The following CLSTN2 variants were observed in gnomAD, a reference collection of about 807,000 sequenced individuals.
CLSTN2 encodes the protein calsyntenin 2, also known as calsyntenin-2.
A neutral mutation model predicts 101.2 loss-of-function variants in CLSTN2; 48 were observed. The ratio of observed to expected loss-of-function variants is 0.47; its 90% CI spans 0.38 to 0.60. The LOEUF (loss-of-function observed/expected upper bound fraction) is 0.60. CLSTN2 is among the 20% of genes least tolerant of loss of function. The probability of loss-of-function intolerance (pLI) is 0.00; values close to 1 mark genes in which losing one functional copy is unlikely to be tolerated. For synonymous variants in CLSTN2, 481 were observed against 463.6 expected (o/e 1.04, Z -0.48); for missense variants, 1,160 against 1,238.2 (o/e 0.94, Z 0.95).
At chr3:140,378,633 A>G (rs1370519084) in intron 2 of CLSTN2, among the ~76,000 whole-genome samples, 2 of 152,172 alleles carry the variant, frequency 1.3e-5, no homozygotes, top group Non-Finnish European at 2.9e-5. Flanking sequence ...TTGGCCATGG[A>G]GAAAGCAACA....
At chr3:140,480,537 G>A (rs537611893) in intron 8 of CLSTN2, among the ~76,000 whole-genome samples, 2 of 152,250 alleles carry the variant, frequency 1.3e-5, no homozygotes, top group South Asian at 4.1e-4. Context: ...TTCCACAATG[G>A]TTGAACTAGT....
chr3:140,036,125 G>A (rs1175791826), intron 1 of CLSTN2, among the ~76,000 whole-genome samples: 1 of 152,200 alleles, frequency 6.6e-6, no homozygotes, highest in African/African-American at 2.4e-5. Context: ...AGGGGCAGGG[G>A]CAGCATTCAT....
chr3:140,231,186 T>G (rs2086368610), intron 2 of CLSTN2, among the ~76,000 whole-genome samples: 1 of 152,020 alleles, frequency 6.6e-6, no homozygotes, highest in African/African-American at 2.4e-5. Flanking sequence ...CTCAGCTTCT[T>G]TTAGGGGGCT....
intron 1 of CLSTN2, among the ~76,000 whole-genome samples, chr3:140,031,734 G>A (rs1448873620): frequency 6.6e-6 from 1 of 152,200 alleles, no homozygotes; most frequent in East Asian, 1.9e-4. Flanking sequence ...CTCAGAAGCT[G>A]TTTGTTAGAG....
At chr3:140,542,956 A>G (rs915453642) in intron 9 of CLSTN2, among the ~76,000 whole-genome samples, 3 of 152,174 alleles carry the variant, frequency 2.0e-5, no homozygotes, top group Admixed American at 2.0e-4. Flanking sequence ...CTATAGGAAC[A>G]CACATTTTAC....
At chr3:140,025,138 G>A (rs1183721289) in intron 1 of CLSTN2, among the ~76,000 whole-genome samples, 1 of 151,980 alleles carries the variant, frequency 6.6e-6, no homozygotes, top group Non-Finnish European at 1.5e-5. Flanking sequence ...CCCATTTTTT[G>A]TTTGTAAGAA....
At position 139,995,427 on chromosome 3, in the gene CLSTN2, G is replaced by A. The variant is rs1181323224; in HGVS notation, c.109+59944G>A. 2.6e-5 allele frequency among the ~76,000 whole-genome samples: 4 copies of A among 152,218 alleles called. No individual in the cohort carries two copies. In the East Asian group the frequency reaches 5.8e-4, roughly 22 times the overall value. On this transcript the variant is annotated intron_variant, in intron 1 of 16. Coordinates refer to ENST00000458420, the MANE Select transcript of CLSTN2 (RefSeq NM_022131.3). Reference sequence around the variant, plus strand: ...TAGCTTGAGCTCAGGACTTTCTCAAGCTGGGAGCCACATGGCAGTTTCATG... The same window carrying A: ...TAGCTTGAGCTCAGGACTTTCTCAAACTGGGAGCCACATGGCAGTTTCATG...
At chr3:139,991,586 G>A (rs1213424712) in intron 1 of CLSTN2, among the ~76,000 whole-genome samples, 1 of 152,194 alleles carries the variant, frequency 6.6e-6, no homozygotes, top group Non-Finnish European at 1.5e-5. Flanking sequence ...GTTTCAATAG[G>A]CTGCTACCGA....
chr3:140,025,816 C>T (rs963605840), intron 1 of CLSTN2, among the ~76,000 whole-genome samples: 2 of 152,168 alleles, frequency 1.3e-5, no homozygotes, highest in South Asian at 4.1e-4. Context: ...AGACTTGAGT[C>T]CTGTTTCAAG....
At chr3:140,053,161 C>T (rs897258897) in intron 1 of CLSTN2, among the ~76,000 whole-genome samples, 3 of 152,192 alleles carry the variant, frequency 2.0e-5, no homozygotes, top group African/African-American at 7.2e-5. Context: ...CCACTCCTCA[C>T]AGTCAGCAGC....
intron 2 of CLSTN2, among the ~76,000 whole-genome samples, chr3:140,275,277 G>GT (rs5852974): frequency 0.85 from 125,310 of 147,942 alleles, 54,119 homozygotes; most frequent in East Asian, 0.94. Context: ...CTTGGGAGGA[G>GT]TTTTTTTTTT....
chr3:140,276,911 C>T (rs1053724504), intron 2 of CLSTN2, among the ~76,000 whole-genome samples: 3 of 152,110 alleles, frequency 2.0e-5, no homozygotes, highest in Admixed American at 2.0e-4. Flanking sequence ...AGCCTGTAGG[C>T]AGAGAAGCAG....
chr3:140,423,010 T>C (rs1442951940), intron 5 of CLSTN2, among the ~76,000 whole-genome samples: 1 of 152,236 alleles, frequency 6.6e-6, no homozygotes, highest in African/African-American at 2.4e-5. Flanking sequence ...GGAAAGTATA[T>C]ATAAACTCTG....
chr3:140,103,733 T>C (rs759422156), intron 1 of CLSTN2, among the ~76,000 whole-genome samples: 38 of 152,320 alleles, frequency 2.5e-4, no homozygotes, highest in Admixed American at 6.5e-5. Flanking sequence ...CTGTGCCTTG[T>C]TGAAGTCTGG....
At chr3:140,431,577 C>T (rs182727442) in intron 5 of CLSTN2, among the ~76,000 whole-genome samples, 1 of 152,310 alleles carries the variant, frequency 6.6e-6, no homozygotes, top group African/African-American at 2.4e-5. Flanking sequence ...TATCAATAAC[C>T]TCTCTTCTCC....
rs112231894 is a variant in CLSTN2 at position 140,499,297 on chromosome 3, T to C, written c.1344+32566T>C. Among the ~76,000 whole-genome samples, 198 of 152,328 alleles carry C rather than the reference T, an allele frequency of 1.3e-3. 2 individuals carry two copies. Among genetic ancestry groups the C allele is most frequent in the African/African-American group, 3.2e-3 (132 of 41,590 alleles). On this transcript the variant is annotated intron_variant, in intron 8 of 16. Transcript: ENST00000458420. ...TGGTCTCAAGGTTTGCCTTTTCAAC[T>C]GCATGAGCCACAGCCCCATCTACTG...
chr3:140,576,695 T>C lies in CLSTN2; in HGVS notation c.*10442T>C, dbSNP rs1985740614. Reference sequence around the variant, plus strand: ...CAGAATCACCTTCAATCACTGCTACTGTCTGGGCCATTACTGCCAGTCTGG... The same window carrying C: ...CAGAATCACCTTCAATCACTGCTACCGTCTGGGCCATTACTGCCAGTCTGG... On this transcript the variant is annotated 3_prime_UTR_variant, in exon 17 of 17. Coordinates refer to ENST00000458420, the MANE Select transcript of CLSTN2 (RefSeq NM_022131.3). The C allele has an allele frequency of 6.6e-6, 1 of 152,236 alleles. No homozygotes were observed. The highest frequency in any genetic ancestry group is 6.5e-5 in the Admixed American group (1 of 15,284). The allele number at this position is 152,236 out of a possible 1,614,324, so 9.4% of individuals were successfully genotyped here.
chr3:140,018,714 C>T (rs191820681), intron 1 of CLSTN2, among the ~76,000 whole-genome samples: 22 of 152,248 alleles, frequency 1.4e-4, no homozygotes, highest in Admixed American at 5.9e-4. Flanking sequence ...CAGAGTAAGA[C>T]AGTTTGTGTG....
chr3:140,318,941 C>A (rs1409163691), intron 2 of CLSTN2, among the ~76,000 whole-genome samples: 1 of 152,134 alleles, frequency 6.6e-6, no homozygotes, highest in Non-Finnish European at 1.5e-5. Context: ...TTCTTCCCTT[C>A]AATGAAGGTG....
Sources: gnomAD v4.1 joint callset for allele counts (sites outside exome capture counted in the v4.1 genomes callset) on GRCh38, gnomAD v4.1.1 for gene constraint, MANE v1.5 for transcripts, NCBI Gene and HGNC (gene_info 2026-07-23, HGNC 2026-07-21) for gene names.